SP4: variants seen among roughly 807,000 people sequenced by gnomAD.
SP4 encodes the protein Sp4 transcription factor.
A neutral mutation model predicts 72.8 loss-of-function variants in SP4; 19 were observed. That is an observed-to-expected ratio of 0.26 (90% CI 0.18 to 0.38). SP4 has a LOEUF of 0.38. SP4 is among the 10% of genes least tolerant of loss of function. The pLI, the probability that SP4 is intolerant of heterozygous loss-of-function variation, is 1.00. For missense variants in SP4, 1,008 were observed against 926.3 expected (o/e 1.09, Z -1.14); for synonymous variants, 395 against 333.1 (o/e 1.19, Z -2.02).
rs929293536 is a variant in SP4 at position 21,514,782 on chromosome 7, A to G, written c.*3513A>G. 4 of 152,202 alleles carry G rather than the reference A, an allele frequency of 2.6e-5. No homozygotes were observed. The highest frequency in any genetic ancestry group is 4.4e-5 in the Non-Finnish European group (3 of 68,032). The allele number at this position is 152,202 out of a possible 1,614,324, so 9.4% of individuals were successfully genotyped here. On this transcript the variant is annotated 3_prime_UTR_variant, in exon 6 of 6. Coordinates refer to ENST00000222584, the MANE Select transcript of SP4 (RefSeq NM_003112.5). The stretch of plus-strand genomic sequence containing the variant: ...TTTAACATGTTTCATTTAATTATGT[A>G]TACTATAAAGCAGCAATAAATTATT...
chr7:21,433,491 T>C (rs994297473), intron 3 of SP4, among the ~76,000 whole-genome samples: 3 of 152,232 alleles, frequency 2.0e-5, no homozygotes, highest in Non-Finnish European at 2.9e-5. Flanking sequence ...ATTGCCTAGC[T>C]TAGTAGGTGC....
At chr7:21,454,612 A>G (rs1159819152) in intron 3 of SP4, among the ~76,000 whole-genome samples, 1 of 152,168 alleles carries the variant, frequency 6.6e-6, no homozygotes, top group African/African-American at 2.4e-5. Context: ...TGTGAGTCCT[A>G]TGAAGGGGGA....
chr7:21,459,277 G>A (rs1307017853), intron 3 of SP4, among the ~76,000 whole-genome samples: 1 of 152,008 alleles, frequency 6.6e-6, no homozygotes, highest in South Asian at 2.1e-4. Context: ...GTACTACCAC[G>A]CCCGGCTAAC....
At chr7:21,433,301 A>G (rs1782927703) in intron 3 of SP4, among the ~76,000 whole-genome samples, 1 of 152,186 alleles carries the variant, frequency 6.6e-6, no homozygotes. Context: ...AACTCTACAT[A>G]GTTGGATTCT....
At position 21,514,777 on chromosome 7, in the gene SP4, T is replaced by G. The variant is rs918023015; in HGVS notation, c.*3508T>G. ...TTGAGTTTAACATGTTTCATTTAAT[T>G]ATGTATACTATAAAGCAGCAATAAA... On this transcript the variant is annotated 3_prime_UTR_variant, in exon 6 of 6. Transcript: ENST00000222584. 2 of 152,222 alleles carry G rather than the reference T, an allele frequency of 1.3e-5. No homozygotes were observed. Among genetic ancestry groups the G allele is most frequent in the African/African-American group, 2.4e-5 (1 of 41,448 alleles). The allele number at this position is 152,222 out of a possible 1,614,324, so 9.4% of individuals were successfully genotyped here.
intron 3 of SP4, among the ~76,000 whole-genome samples, chr7:21,447,819 G>A (rs1783474864): frequency 6.6e-6 from 1 of 152,154 alleles, no homozygotes; most frequent in South Asian, 2.1e-4. Flanking sequence ...AAGTAGCTGG[G>A]ACTGCAGGCA....
chr7:21,494,944 C>T (rs1210025178), intron 5 of SP4, among the ~76,000 whole-genome samples: 1 of 152,062 alleles, frequency 6.6e-6, no homozygotes, highest in Non-Finnish European at 1.5e-5. Context: ...AATATAGAGT[C>T]CAGAAATTCC....
At chr7:21,440,929 A>G (rs1783224975) in intron 3 of SP4, among the ~76,000 whole-genome samples, 1 of 152,214 alleles carries the variant, frequency 6.6e-6, no homozygotes, top group Non-Finnish European at 1.5e-5. Flanking sequence ...TAAGAACTAA[A>G]TGTCTGCTGT....
intron 5 of SP4, among the ~76,000 whole-genome samples, chr7:21,499,619 T>C (rs918875550): frequency 1.1e-4 from 17 of 152,202 alleles, no homozygotes; most frequent in African/African-American, 4.1e-4. Context: ...TTTGGACTTC[T>C]GGCCTCCAGA....
intron 5 of SP4, among the ~76,000 whole-genome samples, chr7:21,505,907 T>C (rs150731681): frequency 1.5e-4 from 23 of 152,350 alleles, no homozygotes; most frequent in African/African-American, 5.5e-4. Context: ...CTGGTTGTTT[T>C]AGGTTAATCT....
At chr7:21,442,006 TTGTGTGTGTGTGTGTGTGTG>T (rs58100749) in intron 3 of SP4, among the ~76,000 whole-genome samples, 1 of 130,534 alleles carries the variant, frequency 7.7e-6, no homozygotes, top group Non-Finnish European at 1.5e-5. Context: ...GTGTGTGTGT[TTGTGTGTGTGTGTGTGTGTG>T]TGTGTGTGTG....
intron 3 of SP4, among the ~76,000 whole-genome samples, chr7:21,468,140 G>C (rs931954265): frequency 6.6e-6 from 1 of 152,046 alleles, no homozygotes; most frequent in Non-Finnish European, 1.5e-5. Flanking sequence ...GTACACACAC[G>C]CATCTGTTTT....
chr7:21,481,043 C>T lies in SP4; in HGVS notation c.1908-881C>T, dbSNP rs543276536. ...GGGCAGCAATAGCCTCAGGTCTTCT[C>T]AACTGGCCTCTCCTGGCTTAGAACT... On this transcript the variant is annotated intron_variant, in intron 4 of 5. Coordinates refer to ENST00000222584, the MANE Select transcript of SP4 (RefSeq NM_003112.5). 7.9e-5 allele frequency among the ~76,000 whole-genome samples: 12 copies of T among 152,306 alleles called. No individual in the cohort carries two copies. The South Asian group carries it at 2.5e-3, about 32-fold the overall frequency.
intron 3 of SP4, among the ~76,000 whole-genome samples, chr7:21,462,057 C>G (rs1248608644): frequency 3.8e-5 from 5 of 132,096 alleles, no homozygotes; most frequent in African/African-American, 1.4e-4. Flanking sequence ...AAGACAGGAT[C>G]TCACTCTGTT....
intron 3 of SP4, among the ~76,000 whole-genome samples, chr7:21,457,196 T>C (rs1562598818): frequency 6.6e-6 from 1 of 152,218 alleles, no homozygotes; most frequent in Admixed American, 6.5e-5. Flanking sequence ...CCTTTTATCA[T>C]AGGAGAATGA....
chr7:21,441,675 G>C (rs1783249754), intron 3 of SP4, among the ~76,000 whole-genome samples: 1 of 152,178 alleles, frequency 6.6e-6, no homozygotes, highest in South Asian at 2.1e-4. Flanking sequence ...CAGTAATTTA[G>C]TTATGAATTC....
chr7:21,502,496 G>A (rs190211159), intron 5 of SP4, among the ~76,000 whole-genome samples: 1 of 152,190 alleles, frequency 6.6e-6, no homozygotes, highest in African/African-American at 2.4e-5. Context: ...CCTTGTCTCG[G>A]TATAGAGCCA....
At chr7:21,510,926 A>G (rs1415423102) in intron 5 of SP4, 96 bp from the exon 6 acceptor site, 7 of 1,247,284 alleles carry the variant, frequency 5.6e-6, no homozygotes, top group South Asian at 4.7e-5. Flanking sequence ...AAACTGTACA[A>G]AAAGTCATAT....
rs924031895 is a variant in SP4, at chr7:21,514,564, C to T, written c.*3295C>T. On this transcript the variant is annotated 3_prime_UTR_variant, in exon 6 of 6. Coordinates refer to ENST00000222584, the MANE Select transcript of SP4 (RefSeq NM_003112.5). ...AAAAAATGAAAAAAAAAGATGAATC[C>T]AGAAAAAAACCTGTTTCCCATATTC... 1 of 148,484 alleles carries T rather than the reference C, an allele frequency of 6.7e-6. No homozygotes were observed. The highest frequency in any genetic ancestry group is 2.5e-5 in the African/African-American group (1 of 40,162). The allele number at this position is 148,484 out of a possible 1,614,324, so 9.2% of individuals were successfully genotyped here. A position where few individuals can be genotyped will look rare whatever the true frequency, so the allele number is the denominator to read the frequency against.
Sources: gnomAD v4.1 joint callset for allele counts (sites outside exome capture counted in the v4.1 genomes callset) on GRCh38, gnomAD v4.1.1 for gene constraint, MANE v1.5 for transcripts, NCBI Gene and HGNC (gene_info 2026-07-23, HGNC 2026-07-21) for gene names.